STK32B: variants seen among roughly 807,000 people sequenced by gnomAD.
STK32B encodes serine/threonine kinase 32B.
A neutral mutation model predicts 52.6 loss-of-function variants in STK32B; 43 were observed. That is an observed-to-expected ratio of 0.82 (90% CI 0.64 to 1.05). The LOEUF is 1.05. STK32B is among the 50% of genes least tolerant of loss of function. The probability of loss-of-function intolerance (pLI) is 0.00; values close to 1 mark genes in which losing one functional copy is unlikely to be tolerated. For synonymous variants in STK32B, 238 were observed against 204.3 expected, an observed-to-expected ratio of 1.17 and a Z score of -1.41; for missense variants, 621 against 534.6, an observed-to-expected ratio of 1.16 and a Z score of -1.59.
intron 3 of STK32B, among the ~76,000 whole-genome samples, chr4:5,327,303 C>T (rs1356421756): frequency 6.6e-6 from 1 of 150,564 alleles, no homozygotes; most frequent in Non-Finnish European, 1.5e-5. Flanking sequence ...CATGAATGTT[C>T]TTAATGACAA....
intron 1 of STK32B, among the ~76,000 whole-genome samples, chr4:5,102,067 T>A (rs1713815335): frequency 6.6e-6 from 1 of 152,166 alleles, no homozygotes; most frequent in Non-Finnish European, 1.5e-5. Context: ...ATGGTGGCAT[T>A]GCTGTCAGCC....
intron 7 of STK32B, 30 bp from the exon 8 acceptor site, chr4:5,456,777 C>A: frequency 6.5e-7 from 1 of 1,533,182 alleles, no homozygotes; most frequent in Non-Finnish European, 8.9e-7. Flanking sequence ...GGCTCTCTCT[C>A]TGATTCTGGC....
At chr4:5,250,310 C>CTTTTTTT (rs143911318) in intron 3 of STK32B, among the ~76,000 whole-genome samples, 2 of 119,260 alleles carry the variant, frequency 1.7e-5, no homozygotes, top group African/African-American at 6.3e-5. Flanking sequence ...GTTTTAAGTT[C>CTTTTTTT]TTTTTTTTTT....
At chr4:5,209,941 A>G (rs1193153877) in intron 3 of STK32B, among the ~76,000 whole-genome samples, 1 of 152,166 alleles carries the variant, frequency 6.6e-6, no homozygotes, top group African/African-American at 2.4e-5. Context: ...AGGGCAATAG[A>G]TTTCCTGTTG....
At chr4:5,119,103 G>A (rs980744382) in intron 1 of STK32B, among the ~76,000 whole-genome samples, 1 of 152,204 alleles carries the variant, frequency 6.6e-6, no homozygotes, top group African/African-American at 2.4e-5. Flanking sequence ...AAAAGGGTAA[G>A]GTTATTGTGT....
At chr4:5,487,126 C>T (rs1384052481) in intron 11 of STK32B, among the ~76,000 whole-genome samples, 1 of 152,176 alleles carries the variant, frequency 6.6e-6, no homozygotes, top group African/African-American at 2.4e-5. Context: ...AATTATCCCT[C>T]AGCACCAGAA....
At chr4:5,211,681 A>T (rs1722913253) in intron 3 of STK32B, among the ~76,000 whole-genome samples, 1 of 152,166 alleles carries the variant, frequency 6.6e-6, no homozygotes, top group Non-Finnish European at 1.5e-5. Flanking sequence ...CACCATGTGC[A>T]ATGACCCCAT....
At chr4:5,135,718 C>G (rs1022333097) in intron 1 of STK32B, among the ~76,000 whole-genome samples, 1 of 152,102 alleles carries the variant, frequency 6.6e-6, no homozygotes, top group Non-Finnish European at 1.5e-5. Flanking sequence ...TGTTGCAGCT[C>G]CAGATATCAC....
intron 3 of STK32B, among the ~76,000 whole-genome samples, chr4:5,219,163 C>T (rs566044068): frequency 6.6e-6 from 1 of 152,342 alleles, no homozygotes; most frequent in East Asian, 1.9e-4. Context: ...TGTTTCAACC[C>T]ACGAGGGCTC....
chr4:5,353,222 A>T (rs1236172909), intron 4 of STK32B, among the ~76,000 whole-genome samples: 1 of 152,128 alleles, frequency 6.6e-6, no homozygotes, highest in African/African-American at 2.4e-5. Flanking sequence ...ATGAAACTGG[A>T]CTCATCTCTC....
chr4:5,075,559 C>T (rs1251671012), intron 1 of STK32B, among the ~76,000 whole-genome samples: 1 of 152,068 alleles, frequency 6.6e-6, no homozygotes, highest in Non-Finnish European at 1.5e-5. Flanking sequence ...TTTATTTTCT[C>T]CTCCTTTTAA....
At chr4:5,216,217 A>C (rs915961956) in intron 3 of STK32B, among the ~76,000 whole-genome samples, 3 of 152,158 alleles carry the variant, frequency 2.0e-5, no homozygotes, top group African/African-American at 7.2e-5. Context: ...TTGCATTTCT[A>C]ACAAGTCTCT....
Position 5,246,311 on chromosome 4 carries a change from A to G in STK32B, c.260+77861A>G, listed in dbSNP as rs186651747. Among the ~76,000 whole-genome samples the G allele has an allele frequency of 2.2e-4, 33 of 152,080 alleles. No individual in the cohort carries two copies. The East Asian group carries it at 5.8e-3, about 27-fold the overall frequency. Reference sequence around the variant, plus strand: ...TTCTCTAAGATTCTCTTCATGCTTCATTTCATGCATTTTGTCTTCCATAGC... The same window carrying G: ...TTCTCTAAGATTCTCTTCATGCTTCGTTTCATGCATTTTGTCTTCCATAGC... On this transcript the variant is annotated intron_variant, in intron 3 of 11. Coordinates refer to ENST00000282908, the MANE Select transcript of STK32B (RefSeq NM_018401.3).
rs10050246 is a variant in STK32B at position 5,398,556 on chromosome 4, G to A, written c.472+312G>A. ...AACCCCAACTCCCTCACCTATGAAC[G>A]TGTGGCTTCAGAAGTCACCCACCTC... On this transcript the variant is annotated intron_variant, in intron 5 of 11. Transcript: ENST00000282908. This position sits in a 1 kb window ranked among gnomAD's most constrained non-coding sequence, Gnocchi z 4.9. Among the ~76,000 whole-genome samples the A allele has an allele frequency of 1.7e-4, 26 of 152,270 alleles. 1 individual carries two copies. The highest frequency in any genetic ancestry group is 5.5e-4 in the African/African-American group (23 of 41,556).
In STK32B at chr4:5,333,270, A is replaced by C. The variant is rs1294759388; in HGVS notation, c.434+1877A>C. Among the ~76,000 whole-genome samples, 6 of 152,140 alleles carry C rather than the reference A, an allele frequency of 3.9e-5. No individual in the cohort carries two copies. The East Asian group carries it at 7.7e-4, about 20-fold the overall frequency. ...AGTGATGGTGAGCATTTGGCTGCATAAATGTCTTCTTTTGAGAAGTGTCTG... is the reference window on the plus strand; with the variant it reads ...AGTGATGGTGAGCATTTGGCTGCATCAATGTCTTCTTTTGAGAAGTGTCTG... On this transcript the variant is annotated intron_variant, in intron 4 of 11. Coordinates refer to ENST00000282908, the MANE Select transcript of STK32B (RefSeq NM_018401.3).
rs147331429 is a variant in STK32B at position 5,487,181 on chromosome 4, T to C, written c.1107-11764T>C. ...TCTGTCCCATGTTGCAGGGAAGATA[T>C]GTGGGTCTTTGTCAGGGACCCAAAC... is the stretch of plus-strand genomic sequence containing the variant. On this transcript the variant is annotated intron_variant, in intron 11 of 11. Coordinates refer to ENST00000282908, the MANE Select transcript of STK32B (RefSeq NM_018401.3). 3.0e-4 allele frequency among the ~76,000 whole-genome samples: 46 copies of C among 152,320 alleles called. 2 individuals are homozygous for C. The East Asian group carries it at 8.9e-3, about 29-fold the overall frequency.
At chr4:5,019,477 G>A in the STK32B span, 62 of 1,435,900 alleles carry the variant, frequency 4.3e-5, no homozygotes, top group East Asian at 1.5e-3. Context: ...CTCGCCGACC[G>A]CCCCTTTATG....
Position 5,499,012 on chromosome 4 carries a change from C to CT in STK32B, c.1174_1175insT (p.Gln392LeufsTer81). 2.5e-6 allele frequency: 4 copies of CT among 1,613,840 alleles called. No individual in the cohort carries two copies. Among genetic ancestry groups the CT allele is most frequent in the Non-Finnish European group, 3.4e-6 (4 of 1,179,848 alleles). On this transcript the variant is annotated frameshift_variant, in exon 12 of 12. Coordinates refer to ENST00000282908, the MANE Select transcript of STK32B (RefSeq NM_018401.3). LOFTEE classifies it high-confidence loss of function. ...CGACAGCCGAGGGGGAGGCCAGGCC[C>CT]AAAGCAAGCTCCAGGACGGGTGCAA...
At chr4:5,322,764 G>A (rs6853800) in intron 3 of STK32B, among the ~76,000 whole-genome samples, 11,754 of 152,210 alleles carry the variant, frequency 0.077, 729 homozygotes, top group African/African-American at 0.16. Context: ...CCTGGGCAAG[G>A]TGAGATGGAG....
Sources: gnomAD v4.1 joint callset for allele counts (sites outside exome capture counted in the v4.1 genomes callset) on GRCh38, gnomAD v4.1.1 for gene constraint, Gnocchi (gnomAD v3.1) non-coding constraint, MANE v1.5 for transcripts, NCBI Gene and HGNC (gene_info 2026-07-23, HGNC 2026-07-21) for gene names.